The following ZFHX3 variants were observed in gnomAD, a reference collection of about 807,000 sequenced individuals.
ZFHX3 encodes the protein zinc finger homeobox 3, also known as zinc finger homeobox protein 3.
A neutral mutation model predicts 279.1 loss-of-function variants in ZFHX3; 42 were observed. The ratio of observed to expected loss-of-function variants is 0.15; its 90% CI spans 0.12 to 0.19. The LOEUF (loss-of-function observed/expected upper bound fraction) is 0.19, where lower values mean the gene tolerates loss of function less well. Among genes scored for constraint, ZFHX3 ranks in the 10% least tolerant of loss-of-function variants. ZFHX3 has a pLI of 1.00. For synonymous variants in ZFHX3, 2,293 were observed against 1,957.8 expected, an observed-to-expected ratio of 1.17 and a Z score of -4.52; for missense variants, 4,981 against 4,754.0, an observed-to-expected ratio of 1.05 and a Z score of -1.40.
At chr16:73,454,677 G>T (rs1016786040) in intron 3 of ZFHX3, among the ~76,000 whole-genome samples, 3 of 151,180 alleles carry the variant, frequency 2.0e-5, no homozygotes, top group Admixed American at 1.3e-4. Context: ...CCTTTTCCCA[G>T]TTAGGGTATC....
rs746576275 is a variant in ZFHX3, at chr16:72,787,848, G to A, written c.10428C>T (p.Asp3476=). The A allele has an allele frequency of 7.4e-6, 12 of 1,613,770 alleles. No homozygotes were observed. Among genetic ancestry groups the A allele is most frequent in the African/African-American group, 2.7e-5 (2 of 74,880 alleles). ...VCRKCQAGFS[D]EEAARSHLKS... ...TCAGGTGGCTCCTCGCTGCCTCCTC[G>A]TCGCTGAAGCCCGCCTGGCACTTGC... The change falls in exon 10 of 10, where the codon GAC becomes GAT. Residue 3476 remains aspartate, a synonymous_variant. Transcript: ENST00000268489.
chr16:73,619,703 C>T (rs2052339779), intron 2 of ZFHX3, among the ~76,000 whole-genome samples: 1 of 151,928 alleles, frequency 6.6e-6, no homozygotes. Flanking sequence ...ATTCTTCCCT[C>T]CAGCTCAAAC....
At chr16:72,930,262 C>T (rs1959713331) in intron 3 of ZFHX3, among the ~76,000 whole-genome samples, 1 of 152,052 alleles carries the variant, frequency 6.6e-6, no homozygotes, top group Non-Finnish European at 1.5e-5. Context: ...ATACTTCATA[C>T]TCTCCTAACA....
intron 1 of ZFHX3, among the ~76,000 whole-genome samples, chr16:73,023,079 T>C (rs550418116): frequency 2.6e-5 from 4 of 152,106 alleles, no homozygotes; most frequent in Admixed American, 2.6e-4. Flanking sequence ...AATAAAAAAT[T>C]AGCCTGGCGT....
rs1286578064 is a variant in ZFHX3, at chr16:72,798,563, A to C, written c.4119T>G (p.Thr1373=). Residue 1373 remains threonine (T), a synonymous_variant, in exon 9 of 10, where the codon ACT becomes ACG. Transcript: ENST00000268489. ...WKKGCNQVFK[T]SAALQTHFNE... ...TAAAATGCGTCTGAAGGGCAGCAGA[A>C]GTTTTGAAAACCTGGTTGCACCCCT... The C allele has an allele frequency of 3.7e-6, 6 of 1,614,074 alleles. No homozygotes were observed. The African/African-American group carries it at 8.0e-5, about 22-fold the overall frequency.
At chr16:73,362,514 C>T (rs1410837393) in intron 3 of ZFHX3, among the ~76,000 whole-genome samples, 3 of 152,240 alleles carry the variant, frequency 2.0e-5, no homozygotes, top group Non-Finnish European at 2.9e-5. Context: ...TCACCAGACA[C>T]ACACCACACA....
chr16:73,701,634 G>A (rs1013545481), intron 1 of ZFHX3, among the ~76,000 whole-genome samples: 2 of 152,068 alleles, frequency 1.3e-5, no homozygotes, highest in African/African-American at 2.4e-5. Context: ...TTGAGAAAAC[G>A]ATAAATCACT....
At chr16:72,927,300 C>T (rs1959505104) in intron 3 of ZFHX3, among the ~76,000 whole-genome samples, 1 of 152,146 alleles carries the variant, frequency 6.6e-6, no homozygotes, top group African/African-American at 2.4e-5. Context: ...ATCCTTCCTC[C>T]TTGTCTTCCT....
intron 4 of ZFHX3, among the ~76,000 whole-genome samples, chr16:72,887,181 G>C (rs567927405): frequency 7.9e-5 from 12 of 152,200 alleles, no homozygotes; most frequent in Non-Finnish European, 1.2e-4. Flanking sequence ...AGATGATCCA[G>C]AGAGGAGCAG....
chr16:72,815,383 G>C (rs2036576339), intron 5 of ZFHX3, among the ~76,000 whole-genome samples: 1 of 151,386 alleles, frequency 6.6e-6, no homozygotes, highest in Non-Finnish European at 1.5e-5. Flanking sequence ...ACCCCAGCCT[G>C]GGTGACAGAG....
chr16:73,227,848 C>CAAAAAAAAAAAAAAAAAAAAAAAAAAAA (rs398029895), intron 5 of ZFHX3, among the ~76,000 whole-genome samples: 1 of 46,042 alleles, frequency 2.2e-5, no homozygotes. Context: ...GATTCTGTCT[C>CAAAAAAAAAAAAAAAAAAAAAAAAAAAA]AAAAAAAAAA....
chr16:72,899,540 C>T (rs2038981170), intron 3 of ZFHX3, among the ~76,000 whole-genome samples: 1 of 152,176 alleles, frequency 6.6e-6, no homozygotes, highest in Non-Finnish European at 1.5e-5. Flanking sequence ...TGAGAACGAA[C>T]TAATACACCG....
chr16:72,849,309 C>T (rs144688019), intron 4 of ZFHX3, among the ~76,000 whole-genome samples: 4 of 152,152 alleles, frequency 2.6e-5, no homozygotes, highest in African/African-American at 9.6e-5. Flanking sequence ...AAGAGAAAAA[C>T]GTGGCTTGGT....
At chr16:73,545,429 T>C (rs1283326567) in intron 2 of ZFHX3, among the ~76,000 whole-genome samples, 1 of 152,136 alleles carries the variant, frequency 6.6e-6, no homozygotes, top group Non-Finnish European at 1.5e-5. Context: ...GGCTTCGGCG[T>C]CTCTCTCCTA....
intron 3 of ZFHX3, among the ~76,000 whole-genome samples, chr16:72,921,685 G>A (rs191123955): frequency 3.9e-5 from 6 of 152,326 alleles, no homozygotes; most frequent in Middle Eastern, 3.4e-3. Flanking sequence ...GAAGGGGATC[G>A]AGGAGTCTGG....
chr16:72,840,114 T>C (rs1380335529), intron 4 of ZFHX3, among the ~76,000 whole-genome samples: 2 of 149,746 alleles, frequency 1.3e-5, no homozygotes, highest in East Asian at 2.0e-4. Context: ...AGAGATCTTA[T>C]GCTTAATGCA....
intron 5 of ZFHX3, among the ~76,000 whole-genome samples, chr16:73,197,781 C>T (rs532453905): frequency 1.3e-5 from 2 of 152,026 alleles, no homozygotes; most frequent in Non-Finnish European, 2.9e-5. Flanking sequence ...ATGGGCTGGC[C>T]GTTGGTTCAA....
chr16:73,688,503 T>C (rs1567552398), intron 1 of ZFHX3, among the ~76,000 whole-genome samples: 1 of 152,138 alleles, frequency 6.6e-6, no homozygotes, highest in Non-Finnish European at 1.5e-5. Context: ...GAGAGCTGCC[T>C]TGCCCATCCC....
chr16:73,854,457 G>A (rs1053680125), intron 1 of ZFHX3, among the ~76,000 whole-genome samples: 2 of 151,980 alleles, frequency 1.3e-5, no homozygotes, highest in African/African-American at 4.8e-5. Context: ...AACCCAGGAG[G>A]CAGTTGCAAT....
Sources: allele counts gnomAD v4.1 joint callset (sites outside exome capture counted in the v4.1 genomes callset), GRCh38; gene constraint gnomAD v4.1.1; transcripts MANE v1.5; gene names NCBI Gene and HGNC (gene_info 2026-07-23, HGNC 2026-07-21).